Variants in GALNT13 observed in about 807,000 individuals in gnomAD.
The protein encoded by GALNT13 is polypeptide N-acetylgalactosaminyltransferase 13.
In GALNT13, 28 loss-of-function variants were observed where a neutral mutation model predicts 64.2. That is an observed-to-expected ratio of 0.44 (90% CI 0.32 to 0.60). The LOEUF (loss-of-function observed/expected upper bound fraction) is 0.60, where lower values mean the gene tolerates loss of function less well. GALNT13 is among the 20% of genes least tolerant of loss of function. The pLI, the probability that GALNT13 is intolerant of heterozygous loss-of-function variation, is 0.05. For missense variants in GALNT13, 577 were observed against 669.8 expected (o/e 0.86, Z 1.53); for synonymous variants, 214 against 224.6 (o/e 0.95, Z 0.42).
the GALNT13 span, among the ~76,000 whole-genome samples, chr2:153,411,886 T>C: frequency 6.6e-6 from 1 of 152,218 alleles, no homozygotes; most frequent in Admixed American, 6.5e-5. Context: ...TATTGATCCT[T>C]GATGTGTCTG....
At chr2:153,347,225 T>C in the GALNT13 span, among the ~76,000 whole-genome samples, 1 of 152,148 alleles carries the variant, frequency 6.6e-6, no homozygotes, top group South Asian at 2.1e-4. Flanking sequence ...GGGCAGAAGA[T>C]AGCAGTGGTC....
intron 3 of GALNT13, among the ~76,000 whole-genome samples, chr2:154,132,319 T>C (rs66483337): frequency 0.037 from 4,812 of 130,294 alleles, 110 homozygotes; most frequent in South Asian, 0.12. Context: ...TCATTGCTGA[T>C]ATATGCATAT....
the GALNT13 span, among the ~76,000 whole-genome samples, chr2:153,380,513 G>A: frequency 5.3e-5 from 8 of 151,160 alleles, no homozygotes; most frequent in Non-Finnish European, 2.9e-5. Context: ...GTTGTGCTAG[G>A]TTATATGCAA....
At chr2:154,447,454 C>T (rs562285770) in intron 12 of GALNT13, among the ~76,000 whole-genome samples, 2 of 151,904 alleles carry the variant, frequency 1.3e-5, no homozygotes, top group African/African-American at 4.8e-5. Context: ...TTACACAGGT[C>T]AAGTCAACAA....
chr2:153,130,126 A>G, the GALNT13 span, among the ~76,000 whole-genome samples: 11 of 152,292 alleles, frequency 7.2e-5, 1 homozygote, highest in African/African-American at 2.2e-4. Context: ...AAGTATGCCC[A>G]GAATCTAACA....
At chr2:153,936,410 G>A (rs1213929140) in intron 2 of GALNT13, among the ~76,000 whole-genome samples, 1 of 152,086 alleles carries the variant, frequency 6.6e-6, no homozygotes, top group Admixed American at 6.6e-5. Flanking sequence ...TGCAACAAAT[G>A]GCACAACATT....
At chr2:154,122,129 T>G (rs2105519457) in intron 3 of GALNT13, among the ~76,000 whole-genome samples, 1 of 152,180 alleles carries the variant, frequency 6.6e-6, no homozygotes, top group East Asian at 1.9e-4. Context: ...TTGGCCTGCT[T>G]ATGTGGTGGA....
intron 3 of GALNT13, among the ~76,000 whole-genome samples, chr2:153,994,710 G>A (rs567350343): frequency 1.3e-5 from 2 of 152,260 alleles, no homozygotes; most frequent in Admixed American, 6.5e-5. Context: ...CTGCATAAAT[G>A]TCTTCTTTTG....
chr2:153,885,808 C>G (rs780117697), intron 1 of GALNT13, among the ~76,000 whole-genome samples: 34 of 152,062 alleles, frequency 2.2e-4, no homozygotes, highest in Non-Finnish European at 3.7e-4. Context: ...AATTTTGTAG[C>G]TGATCAAAAT....
the GALNT13 span, among the ~76,000 whole-genome samples, chr2:153,076,248 GC>G: frequency 5.9e-5 from 9 of 152,190 alleles, no homozygotes; most frequent in African/African-American, 2.2e-4. Context: ...GTGTCTGCTT[GC>G]CCATAGCCTT....
At chr2:154,174,913 T>A (rs1320012128) in intron 4 of GALNT13, among the ~76,000 whole-genome samples, 1 of 152,164 alleles carries the variant, frequency 6.6e-6, no homozygotes, top group African/African-American at 2.4e-5. Flanking sequence ...CTTGTCAACA[T>A]AACTGTATTG....
chr2:153,647,114 C>T, the GALNT13 span, among the ~76,000 whole-genome samples: 1 of 152,160 alleles, frequency 6.6e-6, no homozygotes, highest in Non-Finnish European at 1.5e-5. Context: ...TCCACATCCT[C>T]TCCAGCACCT....
intron 3 of GALNT13, among the ~76,000 whole-genome samples, chr2:154,081,959 A>T (rs912093932): frequency 6.6e-6 from 1 of 151,642 alleles, no homozygotes; most frequent in Non-Finnish European, 1.5e-5. Context: ...GAATATGACA[A>T]ATTTCTTCTA....
the GALNT13 span, among the ~76,000 whole-genome samples, chr2:153,366,156 A>C: frequency 7.9e-5 from 12 of 152,256 alleles, no homozygotes; most frequent in East Asian, 1.9e-4. Flanking sequence ...AAAACCAAAC[A>C]CTGCATGTTC....
At chr2:153,960,489 A>G (rs958008348) in intron 3 of GALNT13, among the ~76,000 whole-genome samples, 3 of 152,206 alleles carry the variant, frequency 2.0e-5, no homozygotes, top group African/African-American at 7.2e-5. Flanking sequence ...GGCCCATCCC[A>G]TAGACAGAGA....
At chr2:153,978,984 T>C (rs1186846804) in intron 3 of GALNT13, among the ~76,000 whole-genome samples, 1 of 152,078 alleles carries the variant, frequency 6.6e-6, no homozygotes, top group African/African-American at 2.4e-5. Flanking sequence ...AACAATACAG[T>C]AATATGCTCC....
chr2:154,094,568 TTTAA>T (rs1163044260), intron 3 of GALNT13, among the ~76,000 whole-genome samples: 1 of 152,030 alleles, frequency 6.6e-6, no homozygotes, highest in Non-Finnish European at 1.5e-5. Context: ...AGATTTACCA[TTTAA>T]TTAATGTATA....
the GALNT13 span, among the ~76,000 whole-genome samples, chr2:153,760,522 A>G: frequency 6.6e-6 from 1 of 151,996 alleles, no homozygotes; most frequent in Non-Finnish European, 1.5e-5. Context: ...ATATTGTTTA[A>G]TTTCCACATA....
the GALNT13 span, among the ~76,000 whole-genome samples, chr2:153,426,006 T>C: frequency 2.0e-5 from 3 of 151,940 alleles, no homozygotes; most frequent in Admixed American, 2.0e-4. Context: ...TAAATTTTCT[T>C]GGATTTCACC....
Sources: allele counts gnomAD v4.1 joint callset (sites outside exome capture counted in the v4.1 genomes callset), GRCh38; gene constraint gnomAD v4.1.1; transcripts MANE v1.5; gene names NCBI Gene and HGNC (gene_info 2026-07-23, HGNC 2026-07-21).